The following NALF1 variants were observed in gnomAD, a reference collection of about 807,000 sequenced individuals.
NALF1 encodes NALCN channel auxiliary factor 1.
In NALF1, 3 loss-of-function variants were observed where a neutral mutation model predicts 48.4. The ratio of observed to expected loss-of-function variants is 0.06; its 90% CI spans 0.03 to 0.16. The LOEUF is 0.16. Among genes scored for constraint, NALF1 ranks in the 10% least tolerant of loss-of-function variants. The pLI, the probability that NALF1 is intolerant of heterozygous loss-of-function variation, is 1.00. For missense variants in NALF1, 526 were observed against 571.5 expected (o/e 0.92, Z 0.81); for synonymous variants, 262 against 245.7 (o/e 1.07, Z -0.62).
At chr13:107,754,376 CA>C (rs1877029061) in intron 1 of NALF1, among the ~76,000 whole-genome samples, 1 of 151,406 alleles carries the variant, frequency 6.6e-6, no homozygotes, top group South Asian at 2.1e-4. Context: ...CACACACACA[CA>C]CACACACACA....
intron 1 of NALF1, among the ~76,000 whole-genome samples, chr13:107,369,046 T>C (rs901772668): frequency 1.3e-5 from 2 of 152,178 alleles, no homozygotes; most frequent in African/African-American, 4.8e-5. Flanking sequence ...CTTCTGCTCA[T>C]TGTGTGTCAA....
rs533102222 is a variant in NALF1, at chr13:107,866,782, C to T, written c.-186G>A. The T allele has an allele frequency of 1.8e-4, 106 of 597,770 alleles. 1 individual carries two copies. The South Asian group carries it at 2.1e-3, about 12-fold the overall frequency. 37.0% of individuals were successfully genotyped at this position (597,770 alleles called of 1,614,324 possible). A position where few individuals can be genotyped will look rare whatever the true frequency, so the allele number is the denominator to read the frequency against. On this transcript the variant is annotated 5_prime_UTR_variant, in exon 1 of 3. Transcript: ENST00000375915. This position sits in a 1 kb window ranked among gnomAD's most constrained non-coding sequence, Gnocchi z 4.4. Reference sequence around the variant, plus strand: ...TCTCTCTCTCTCTCCCTCTCCCTCTCTTTTATCTCTCTCTGTCTCTTTTGC... The same window carrying T: ...TCTCTCTCTCTCTCCCTCTCCCTCTTTTTTATCTCTCTCTGTCTCTTTTGC...
At chr13:107,391,741 C>T (rs1883631020) in intron 1 of NALF1, among the ~76,000 whole-genome samples, 1 of 152,114 alleles carries the variant, frequency 6.6e-6, no homozygotes, top group South Asian at 2.1e-4. Flanking sequence ...TTACCCATAG[C>T]CTGGAAGCAC....
chr13:107,598,876 A>G (rs1878834780), intron 1 of NALF1, among the ~76,000 whole-genome samples: 1 of 152,104 alleles, frequency 6.6e-6, no homozygotes, highest in South Asian at 2.1e-4. Flanking sequence ...TCATGATCTG[A>G]CATAATTTTC....
intron 2 of NALF1, 123 bp downstream of exon 2, chr13:107,210,461 G>T: frequency 1.4e-6 from 1 of 695,448 alleles, no homozygotes; most frequent in Non-Finnish European, 2.5e-6. Flanking sequence ...GTGAAAGTGC[G>T]GAAAACTACC....
intron 1 of NALF1, among the ~76,000 whole-genome samples, chr13:107,421,004 T>C (rs979017224): frequency 6.6e-6 from 1 of 152,150 alleles, no homozygotes; most frequent in Non-Finnish European, 1.5e-5. Flanking sequence ...TACCAAACAA[T>C]GCAAATAAAA....
chr13:107,346,086 C>T (rs1882766552), intron 1 of NALF1, among the ~76,000 whole-genome samples: 1 of 151,966 alleles, frequency 6.6e-6, no homozygotes, highest in Admixed American at 6.6e-5. Context: ...CTAGGATGGG[C>T]AGCATAACAC....
At chr13:107,350,119 C>A (rs1882846715) in intron 1 of NALF1, among the ~76,000 whole-genome samples, 1 of 152,184 alleles carries the variant, frequency 6.6e-6, no homozygotes, top group South Asian at 2.1e-4. Flanking sequence ...CCATAGCCTG[C>A]TGCTCACCTC....
intron 1 of NALF1, among the ~76,000 whole-genome samples, chr13:107,479,865 T>C (rs1330703475): frequency 6.6e-6 from 1 of 152,152 alleles, no homozygotes; most frequent in East Asian, 1.9e-4. Context: ...GAAATTAATA[T>C]AGAAGAAATG....
chr13:107,861,270 A>G (rs1368517156), intron 1 of NALF1, among the ~76,000 whole-genome samples: 1 of 152,246 alleles, frequency 6.6e-6, no homozygotes, highest in East Asian at 1.9e-4. Flanking sequence ...AATTTTAAGT[A>G]GTCATCTGCA....
rs185132245 is a variant in NALF1 at position 107,183,632 on chromosome 13, G to A, written c.1088-12846C>T. 1.1e-3 allele frequency among the ~76,000 whole-genome samples: 165 copies of A among 152,238 alleles called. 1 individual carries two copies. Among genetic ancestry groups the A allele is most frequent in the South Asian group, 6.2e-4 (3 of 4,824 alleles). On this transcript the variant is annotated intron_variant, in intron 2 of 2. Transcript: ENST00000375915. ...TGATAGGCTGGATAAAGAAAATGTC[G>A]CACATATACACCATGGAATACTATG... is the stretch of plus-strand genomic sequence containing the variant.
chr13:107,543,061 A>G (rs1053825893), intron 1 of NALF1, among the ~76,000 whole-genome samples: 3 of 152,052 alleles, frequency 2.0e-5, no homozygotes, highest in Non-Finnish European at 4.4e-5. Context: ...ATTCAGACAG[A>G]TATATTAGTT....
chr13:107,821,722 A>T (rs73587782), intron 1 of NALF1, among the ~76,000 whole-genome samples: 5,339 of 152,286 alleles, frequency 0.035, 345 homozygotes, highest in African/African-American at 0.12. Flanking sequence ...AAGAGTACAT[A>T]ATAGGGTGAC....
intron 1 of NALF1, among the ~76,000 whole-genome samples, chr13:107,527,199 C>T (rs967584288): frequency 1.1e-4 from 17 of 152,108 alleles, no homozygotes; most frequent in Admixed American, 7.2e-4. Flanking sequence ...GCTGCTGACC[C>T]GCTGTCATTA....
At chr13:107,584,948 A>G (rs145986337) in intron 1 of NALF1, among the ~76,000 whole-genome samples, 7 of 152,262 alleles carry the variant, frequency 4.6e-5, no homozygotes, top group Admixed American at 1.3e-4. Flanking sequence ...CTACTTCTTA[A>G]TTACCTATTA....
intron 1 of NALF1, among the ~76,000 whole-genome samples, chr13:107,613,980 T>C (rs970141166): frequency 1.3e-5 from 2 of 152,198 alleles, no homozygotes; most frequent in Non-Finnish European, 2.9e-5. Context: ...GTTTTAAAGA[T>C]AAGAAAATTG....
chr13:107,203,829 T>C (rs1428423758), intron 2 of NALF1, among the ~76,000 whole-genome samples: 2 of 152,236 alleles, frequency 1.3e-5, no homozygotes, highest in African/African-American at 2.4e-5. Flanking sequence ...GGTGTAGCAA[T>C]GAGAAGCAGA....
chr13:107,336,572 C>A (rs966818408), intron 1 of NALF1, among the ~76,000 whole-genome samples: 3 of 152,032 alleles, frequency 2.0e-5, no homozygotes, highest in African/African-American at 7.2e-5. Context: ...TTGTGTCTAA[C>A]ATTATCAGGA....
intron 1 of NALF1, among the ~76,000 whole-genome samples, chr13:107,757,964 C>G (rs941240563): frequency 6.6e-6 from 1 of 152,154 alleles, no homozygotes; most frequent in African/African-American, 2.4e-5. Context: ...TTATTTTCCA[C>G]TATCAATTGT....
Sources: gnomAD v4.1 joint callset for allele counts (sites outside exome capture counted in the v4.1 genomes callset) on GRCh38, gnomAD v4.1.1 for gene constraint, Gnocchi (gnomAD v3.1) non-coding constraint, MANE v1.5 for transcripts, NCBI Gene and HGNC (gene_info 2026-07-23, HGNC 2026-07-21) for gene names.